Variants in ADGRL3 observed in about 807,000 individuals in gnomAD.
ADGRL3 encodes adhesion G protein-coupled receptor L3.
In ADGRL3, 62 loss-of-function variants were observed where a neutral mutation model predicts 153.5. The observed-to-expected ratio is 0.40, with a 90% CI of 0.33 to 0.50. ADGRL3 has a LOEUF of 0.50. ADGRL3 is among the 20% of genes least tolerant of loss of function. The probability of loss-of-function intolerance (pLI) is 0.47; values close to 1 mark genes in which losing one functional copy is unlikely to be tolerated. For missense variants in ADGRL3, 1,641 were observed against 1,859.4 expected, an observed-to-expected ratio of 0.88 and a Z score of 2.16; for synonymous variants, 710 against 672.5, an observed-to-expected ratio of 1.06 and a Z score of -0.86.
At chr4:61,779,416 T>TG (rs1274578888) in intron 8 of ADGRL3, among the ~76,000 whole-genome samples, 4 of 151,832 alleles carry the variant, frequency 2.6e-5, no homozygotes, top group African/African-American at 9.7e-5. Flanking sequence ...GTGGATCACC[T>TG]GAGGTCAGGA....
intron 11 of ADGRL3, among the ~76,000 whole-genome samples, chr4:61,900,164 T>A (rs2098656214): frequency 6.6e-6 from 1 of 152,196 alleles, no homozygotes; most frequent in Non-Finnish European, 1.5e-5. Flanking sequence ...AATTTTATTA[T>A]CAGTATGTGC....
intron 5 of ADGRL3, among the ~76,000 whole-genome samples, chr4:61,589,750 C>G (rs572927569): frequency 6.6e-6 from 1 of 151,990 alleles, no homozygotes; most frequent in Non-Finnish European, 1.5e-5. Flanking sequence ...ATGTTCTAGG[C>G]AAGGAGAGAT....
At chr4:62,017,814 T>C (rs1233530494) in intron 21 of ADGRL3, among the ~76,000 whole-genome samples, 1 of 152,164 alleles carries the variant, frequency 6.6e-6, no homozygotes, top group East Asian at 1.9e-4. Context: ...TCTTCCATGT[T>C]TTCTCTAAGT....
At chr4:61,729,423 T>A (rs1286404561) in intron 6 of ADGRL3, among the ~76,000 whole-genome samples, 1 of 151,902 alleles carries the variant, frequency 6.6e-6, no homozygotes, top group African/African-American at 2.4e-5. Context: ...GTTTTGACAA[T>A]AACTGGAGAC....
At chr4:62,048,412 ACCACCACACC>A (rs932676284) in intron 25 of ADGRL3, among the ~76,000 whole-genome samples, 41 of 151,700 alleles carry the variant, frequency 2.7e-4, no homozygotes, top group African/African-American at 9.9e-4. Flanking sequence ...ACAGACACAC[ACCACCACACC>A]CGGCTAATTT....
intron 2 of ADGRL3, among the ~76,000 whole-genome samples, chr4:61,463,322 C>A (rs2097845382): frequency 6.6e-6 from 1 of 152,136 alleles, no homozygotes; most frequent in African/African-American, 2.4e-5. Context: ...GTACAGGAAG[C>A]ATGGCTAGCA....
At chr4:61,277,385 G>A (rs1392528812) in intron 1 of ADGRL3, among the ~76,000 whole-genome samples, 2 of 151,958 alleles carry the variant, frequency 1.3e-5, no homozygotes, top group Admixed American at 1.3e-4. Flanking sequence ...CGTATTATAC[G>A]GCATGACCCA....
At chr4:61,406,785 C>A (rs893067295) in intron 2 of ADGRL3, among the ~76,000 whole-genome samples, 1 of 151,812 alleles carries the variant, frequency 6.6e-6, no homozygotes, top group Admixed American at 6.6e-5. Context: ...ATTCAGCATG[C>A]CAGGTTGGTA....
chr4:61,794,214 T>G (rs974126941), intron 8 of ADGRL3, among the ~76,000 whole-genome samples: 3 of 152,210 alleles, frequency 2.0e-5, no homozygotes, highest in Non-Finnish European at 4.4e-5. Flanking sequence ...ACAAATGTAT[T>G]TAGCCATTTC....
intron 5 of ADGRL3, among the ~76,000 whole-genome samples, chr4:61,604,542 T>C (rs2099024461): frequency 6.6e-6 from 1 of 152,194 alleles, no homozygotes; most frequent in Non-Finnish European, 1.5e-5. Flanking sequence ...TGAAATAATA[T>C]TGAAACTCAA....
intron 1 of ADGRL3, among the ~76,000 whole-genome samples, chr4:61,266,885 G>A (rs965594946): frequency 6.6e-6 from 1 of 151,602 alleles, no homozygotes; most frequent in Admixed American, 6.6e-5. Context: ...GTAGTGGAGA[G>A]TTCAAAATCA....
intron 9 of ADGRL3, among the ~76,000 whole-genome samples, chr4:61,838,707 C>T (rs958374153): frequency 5.9e-5 from 9 of 152,044 alleles, no homozygotes; most frequent in South Asian, 2.1e-4. Context: ...ATAATTTCTC[C>T]GGTTGAAAGT....
At chr4:61,855,879 A>G (rs1430673782) in intron 9 of ADGRL3, among the ~76,000 whole-genome samples, 1 of 152,166 alleles carries the variant, frequency 6.6e-6, no homozygotes, top group Non-Finnish European at 1.5e-5. Context: ...ATGGGTATAT[A>G]ATTAAAAGAG....
chr4:61,866,126 G>A (rs2098397910), intron 9 of ADGRL3, among the ~76,000 whole-genome samples: 1 of 152,092 alleles, frequency 6.6e-6, no homozygotes, highest in Non-Finnish European at 1.5e-5. Context: ...ACCATCCCCT[G>A]CCCCTGAGAA....
At chr4:61,719,561 A>G (rs1310833756) in intron 6 of ADGRL3, among the ~76,000 whole-genome samples, 1 of 150,226 alleles carries the variant, frequency 6.7e-6, no homozygotes, top group African/African-American at 2.4e-5. Context: ...TTCTTGGCAT[A>G]TTTAATTCTT....
At chr4:61,238,148 G>T (rs191132285) in intron 1 of ADGRL3, among the ~76,000 whole-genome samples, 1 of 152,144 alleles carries the variant, frequency 6.6e-6, no homozygotes, top group Non-Finnish European at 1.5e-5. Flanking sequence ...ACAGTAATTA[G>T]CATTTGTTCT....
intron 1 of ADGRL3, among the ~76,000 whole-genome samples, chr4:61,313,209 G>A (rs558767010): frequency 3.2e-4 from 49 of 152,166 alleles, no homozygotes; most frequent in Non-Finnish European, 6.6e-4. Context: ...TATACAGACA[G>A]TGAAAAGATC....
chr4:61,472,769 T>A (rs2097977811), intron 2 of ADGRL3, among the ~76,000 whole-genome samples: 1 of 152,088 alleles, frequency 6.6e-6, no homozygotes, highest in East Asian at 1.9e-4. Context: ...TTTGGAGAGA[T>A]GGCCCTGACT....
intron 9 of ADGRL3, among the ~76,000 whole-genome samples, chr4:61,863,420 G>A (rs2098368029): frequency 1.3e-5 from 2 of 151,104 alleles, no homozygotes; most frequent in Admixed American, 1.3e-4. Flanking sequence ...TGTATTTTTA[G>A]TAGAGACGAG....
Sources: allele counts gnomAD v4.1 joint callset (sites outside exome capture counted in the v4.1 genomes callset), GRCh38; gene constraint gnomAD v4.1.1; transcripts MANE v1.5; gene names NCBI Gene and HGNC (gene_info 2026-07-23, HGNC 2026-07-21).